ST6GALNAC3: variants seen among roughly 807,000 people sequenced by gnomAD.
ST6GALNAC3 encodes the protein alpha-N-acetylgalactosaminide alpha-2,6-sialyltransferase 3.
ST6GALNAC3 carries 25 observed loss-of-function variants against 32.7 expected under a neutral mutation model. The observed-to-expected ratio is 0.76, with a 90% CI of 0.56 to 1.07. The LOEUF (loss-of-function observed/expected upper bound fraction) is 1.07, where lower values mean the gene tolerates loss of function less well. Among genes scored for constraint, ST6GALNAC3 ranks in the 50% least tolerant of loss-of-function variants. The pLI, the probability that ST6GALNAC3 is intolerant of heterozygous loss-of-function variation, is 0.00. For synonymous variants in ST6GALNAC3, 129 were observed against 133.1 expected, an observed-to-expected ratio of 0.97 and a Z score of 0.21; for missense variants, 355 against 382.4, an observed-to-expected ratio of 0.93 and a Z score of 0.60.
chr1:76,527,587 C>T (rs770977580), intron 3 of ST6GALNAC3, among the ~76,000 whole-genome samples: 1 of 152,132 alleles, frequency 6.6e-6, no homozygotes, highest in Admixed American at 6.6e-5. Flanking sequence ...AACATCCTTG[C>T]TGTGTCCCAT....
chr1:76,154,493 G>A (rs182196521), intron 1 of ST6GALNAC3, among the ~76,000 whole-genome samples: 1 of 152,202 alleles, frequency 6.6e-6, no homozygotes, highest in Non-Finnish European at 1.5e-5. Context: ...GTCTGGAAAC[G>A]CCTGTTGCAA....
In ST6GALNAC3 at chr1:76,474,342, G is replaced by A. The variant is rs1047109218; in HGVS notation, c.623+61925G>A. 2.0e-5 allele frequency among the ~76,000 whole-genome samples: 3 copies of A among 152,170 alleles called. No individual in the cohort carries two copies. The East Asian group carries it at 5.8e-4, about 29-fold the overall frequency. On this transcript the variant is annotated intron_variant, in intron 3 of 4. Transcript: ENST00000328299. ...TGAGCTGGAAAGTATAGAGAGAAAG[G>A]TAGAGGAAAATGTGGGAGAGCAGTA...
At chr1:76,498,623 C>T (rs1001485199) in intron 3 of ST6GALNAC3, among the ~76,000 whole-genome samples, 1 of 151,894 alleles carries the variant, frequency 6.6e-6, no homozygotes, top group Non-Finnish European at 1.5e-5. Context: ...AATATTTTAC[C>T]TTTAACCACC....
intron 1 of ST6GALNAC3, among the ~76,000 whole-genome samples, chr1:76,267,151 T>C (rs1658578611): frequency 6.6e-6 from 1 of 152,208 alleles, no homozygotes; most frequent in African/African-American, 2.4e-5. Context: ...TCCTACATCC[T>C]GACCTCTTTG....
chr1:76,257,170 G>A (rs1389077498), intron 1 of ST6GALNAC3, among the ~76,000 whole-genome samples: 1 of 152,290 alleles, frequency 6.6e-6, no homozygotes, highest in African/African-American at 2.4e-5. Flanking sequence ...AAGAATGACA[G>A]TTCATTTTCT....
At position 76,167,107 on chromosome 1, in the gene ST6GALNAC3, C is replaced by A. The variant is rs1333935296; in HGVS notation, c.18+92223C>A. Among the ~76,000 whole-genome samples, 7 of 152,220 alleles carry A rather than the reference C, an allele frequency of 4.6e-5. No individual in the cohort carries two copies. The East Asian group carries it at 1.4e-3, about 29-fold the overall frequency. On this transcript the variant is annotated intron_variant, in intron 1 of 4. Transcript: ENST00000328299. ...TCAAGGGAAATGCTTCCAGCTTTTA[C>A]CCATTCATTATGGTGTTGGCTGTGG...
chr1:76,196,627 G>A (rs1048858255), intron 1 of ST6GALNAC3, among the ~76,000 whole-genome samples: 15 of 151,978 alleles, frequency 9.9e-5, no homozygotes, highest in East Asian at 5.8e-4. Context: ...CACCATGCCC[G>A]GCTAATTTTT....
intron 3 of ST6GALNAC3, among the ~76,000 whole-genome samples, chr1:76,547,073 C>G (rs1456824891): frequency 1.3e-5 from 2 of 152,220 alleles, no homozygotes; most frequent in Non-Finnish European, 2.9e-5. Context: ...CAAGAAGAAA[C>G]TTGCAGAGTA....
chr1:76,465,008 G>T (rs907436336), intron 3 of ST6GALNAC3, among the ~76,000 whole-genome samples: 2 of 152,012 alleles, frequency 1.3e-5, no homozygotes, highest in Admixed American at 1.3e-4. Flanking sequence ...TTCAAAATCA[G>T]GCGTTCTATA....
chr1:76,585,151 G>A (rs569188896), intron 3 of ST6GALNAC3, among the ~76,000 whole-genome samples: 62 of 152,256 alleles, frequency 4.1e-4, no homozygotes, highest in African/African-American at 1.3e-3. Flanking sequence ...TTTGGAGGCC[G>A]AGGCAGGCGG....
At chr1:76,521,539 C>T (rs553883717) in intron 3 of ST6GALNAC3, among the ~76,000 whole-genome samples, 21 of 152,034 alleles carry the variant, frequency 1.4e-4, no homozygotes, top group African/African-American at 4.6e-4. Context: ...TTATGTTTAC[C>T]CAAGTATTTA....
intron 3 of ST6GALNAC3, among the ~76,000 whole-genome samples, chr1:76,525,008 T>C (rs1209155502): frequency 3.9e-5 from 6 of 152,122 alleles, no homozygotes; most frequent in Non-Finnish European, 8.8e-5. Context: ...TAAAAAGTCA[T>C]ACTTTTGTAA....
At chr1:76,581,717 A>G (rs1465599092) in intron 3 of ST6GALNAC3, among the ~76,000 whole-genome samples, 1 of 144,196 alleles carries the variant, frequency 6.9e-6, no homozygotes, top group Admixed American at 6.9e-5. Context: ...TAATTTTATT[A>G]GTTACAAATA....
chr1:76,175,540 T>C (rs376105855), intron 1 of ST6GALNAC3, among the ~76,000 whole-genome samples: 1 of 150,876 alleles, frequency 6.6e-6, no homozygotes, highest in African/African-American at 2.4e-5. Flanking sequence ...TTTTTTGGTG[T>C]GGGCTTGGCC....
intron 1 of ST6GALNAC3, among the ~76,000 whole-genome samples, chr1:76,144,225 G>A (rs1650531465): frequency 6.6e-6 from 1 of 152,152 alleles, no homozygotes; most frequent in African/African-American, 2.4e-5. Context: ...CACAATGGAA[G>A]GAGGAGAAAG....
At chr1:76,136,629 A>G (rs1246226278) in intron 1 of ST6GALNAC3, among the ~76,000 whole-genome samples, 1 of 152,214 alleles carries the variant, frequency 6.6e-6, no homozygotes, top group African/African-American at 2.4e-5. Flanking sequence ...CTAGTAATAA[A>G]TAGCTTTCAC....
At chr1:76,457,151 G>A (rs7535764) in intron 3 of ST6GALNAC3, among the ~76,000 whole-genome samples, 24,080 of 151,058 alleles carry the variant, frequency 0.16, 1,772 homozygotes, top group African/African-American at 0.21. Flanking sequence ...TACAAGGGAT[G>A]TGAAGGACCT....
intron 3 of ST6GALNAC3, among the ~76,000 whole-genome samples, chr1:76,489,766 C>T (rs955566558): frequency 6.6e-6 from 1 of 152,142 alleles, no homozygotes; most frequent in Non-Finnish European, 1.5e-5. Flanking sequence ...CAGCTCAGGG[C>T]TGGACAAGAG....
chr1:76,393,996 T>C (rs1004533433), intron 2 of ST6GALNAC3, among the ~76,000 whole-genome samples: 1 of 152,208 alleles, frequency 6.6e-6, no homozygotes, highest in Non-Finnish European at 1.5e-5. Context: ...CCATAGAGCA[T>C]CTTAAACAAA....
Sources: allele counts gnomAD v4.1 joint callset (sites outside exome capture counted in the v4.1 genomes callset), GRCh38; gene constraint gnomAD v4.1.1; transcripts MANE v1.5; gene names NCBI Gene and HGNC (gene_info 2026-07-23, HGNC 2026-07-21).